The following WDR19 variants were observed in gnomAD, a reference collection of about 807,000 sequenced individuals.
The protein encoded by WDR19 is WD repeat-containing protein 19.
In WDR19, 121 loss-of-function variants were observed where a neutral mutation model predicts 180.0. The ratio of observed to expected loss-of-function variants is 0.67; its 90% confidence interval spans 0.58 to 0.78. WDR19 has a LOEUF of 0.78. Ranked by LOEUF, WDR19 falls within the 30% of genes least tolerant of loss-of-function variation. The pLI, the probability that WDR19 is intolerant of heterozygous loss-of-function variation, is 0.00. For synonymous variants in WDR19, 497 were observed against 540.7 expected (o/e 0.92, Z 1.12); for missense variants, 1,450 against 1,640.7 (o/e 0.88, Z 2.01).
chr4:39,194,835 C>T lies in WDR19; in HGVS notation c.406+176C>T, dbSNP rs1726555853. On this transcript the variant is annotated intron_variant, in intron 5 of 36. Coordinates refer to ENST00000399820, the MANE Select transcript of WDR19 (RefSeq NM_025132.4). ...CATGAAGATCCCTGTTCACTGCTTA[C>T]TAAGAACTTGCCAGGGTACATAGAA... The T allele has an allele frequency of 1.1e-5, 6 of 569,772 alleles. No homozygotes were observed. The East Asian group carries it at 1.7e-4, about 16-fold the overall frequency. 35.3% of individuals were successfully genotyped at this position (569,772 alleles called of 1,614,324 possible).
intron 28 of WDR19, among the ~76,000 whole-genome samples, chr4:39,259,596 G>A (rs1734090887): frequency 1.3e-5 from 2 of 152,194 alleles, no homozygotes; most frequent in South Asian, 4.1e-4. Context: ...CCTTCTTATG[G>A]CTGAATAATA....
chr4:39,280,474 C>A (rs2109533266), intron 36 of WDR19, among the ~76,000 whole-genome samples: 1 of 152,138 alleles, frequency 6.6e-6, no homozygotes, highest in East Asian at 1.9e-4. Context: ...GCCTGGGCAA[C>A]ATAGTAAGAC....
chr4:39,259,814 G>A (rs1279429790), intron 28 of WDR19, among the ~76,000 whole-genome samples: 1 of 152,184 alleles, frequency 6.6e-6, no homozygotes, highest in Non-Finnish European at 1.5e-5. Context: ...ACTGTTTCCT[G>A]AAGCAGCTGA....
intron 9 of WDR19, among the ~76,000 whole-genome samples, chr4:39,211,556 T>A (rs1379404443): frequency 1.3e-5 from 2 of 152,106 alleles, no homozygotes; most frequent in African/African-American, 4.8e-5. Context: ...AATAAATGAG[T>A]TGAGCAAGAT....
intron 2 of WDR19, 96 bp downstream of exon 2, chr4:39,185,913 T>TTAAA: frequency 9.2e-7 from 1 of 1,088,740 alleles, no homozygotes; most frequent in Non-Finnish European, 1.3e-6. Context: ...TTTTTTTTTT[T>TTAAA]TAAATGGAGT....
chr4:39,228,746 G>A (rs1207181895), intron 17 of WDR19, 56 bp downstream of exon 17: 6 of 1,449,158 alleles, frequency 4.1e-6, no homozygotes, highest in East Asian at 2.3e-5. Flanking sequence ...GATTTTAAAG[G>A]TCAAATCCTA....
At chr4:39,281,236 T>TATATATATATATATAGAGAGAG (rs762298152) in intron 36 of WDR19, among the ~76,000 whole-genome samples, 1 of 104,040 alleles carries the variant, frequency 9.6e-6, no homozygotes, top group South Asian at 3.1e-4. Context: ...TATATATATA[T>TATATATATATATATAGAGAGAG]AGAGAGAGAG....
chr4:39,266,861 A>G (rs535392944), intron 29 of WDR19, among the ~76,000 whole-genome samples: 56 of 152,346 alleles, frequency 3.7e-4, no homozygotes, highest in African/African-American at 1.3e-3. Flanking sequence ...AGGCGGGTGG[A>G]TCACTTGAGG....
intron 24 of WDR19, among the ~76,000 whole-genome samples, chr4:39,250,443 T>G (rs10011831): frequency 0.97 from 148,066 of 152,202 alleles, 72,138 homozygotes; most frequent in Middle Eastern, 1. Context: ...TTGAAAACCG[T>G]CAAAAGACAG....
At chr4:39,284,667 A>T (rs28606372) in intron 36 of WDR19, among the ~76,000 whole-genome samples, 75,609 of 148,962 alleles carry the variant, frequency 0.51, 20,834 homozygotes, top group African/African-American at 0.73. Flanking sequence ...AAAAAAAAAA[A>T]TTCAGATTTT....
chr4:39,225,795 C>CTTCCT (rs1158944273), intron 15 of WDR19, among the ~76,000 whole-genome samples: 2 of 152,014 alleles, frequency 1.3e-5, no homozygotes, highest in Admixed American at 6.6e-5. Flanking sequence ...CCCGCCCCTT[C>CTTCCT]TTCCTTTCCT....
intron 26 of WDR19, 89 bp from the exon 27 acceptor site, chr4:39,255,759 T>A: frequency 1.7e-6 from 1 of 595,504 alleles, no homozygotes; most frequent in Non-Finnish European, 2.8e-6. Context: ...GAGTTTTTAA[T>A]CACCTATTTT....
At chr4:39,244,635 G>A in intron 23 of WDR19, 83 bp downstream of exon 23, 1 of 1,453,578 alleles carries the variant, frequency 6.9e-7, no homozygotes, top group African/African-American at 1.4e-5. Flanking sequence ...TCCTTGCCAT[G>A]CTTTCTCTCT....
At chr4:39,185,859 ATGTAATCACAC>A (rs1284014424) in intron 2 of WDR19, 42 bp downstream of exon 2, 1 of 1,458,124 alleles carries the variant, frequency 6.9e-7, no homozygotes, top group African/African-American at 1.4e-5. Context: ...TTGCATGCCC[ATGTAATCACAC>A]CATCTACTCA....
intron 14 of WDR19, among the ~76,000 whole-genome samples, chr4:39,221,592 C>A (rs1454560432): frequency 1.3e-5 from 2 of 152,218 alleles, no homozygotes; most frequent in Non-Finnish European, 1.5e-5. Flanking sequence ...AGGCTGATTG[C>A]CTGAGCTCAG....
intron 6 of WDR19, among the ~76,000 whole-genome samples, chr4:39,201,453 A>G (rs1198985878): frequency 6.6e-6 from 1 of 152,190 alleles, no homozygotes; most frequent in Admixed American, 6.5e-5. Context: ...AACTTATTTT[A>G]GTAGATAGTG....
chr4:39,260,430 T>C (rs768439973), intron 28 of WDR19, among the ~76,000 whole-genome samples: 3 of 151,030 alleles, frequency 2.0e-5, no homozygotes, highest in Non-Finnish European at 4.4e-5. Flanking sequence ...CTCTGCCTCC[T>C]GGGTTCAAGT....
chr4:39,221,346 G>A (rs1287851346), intron 14 of WDR19, among the ~76,000 whole-genome samples: 1 of 152,186 alleles, frequency 6.6e-6, no homozygotes, highest in Non-Finnish European at 1.5e-5. Context: ...AAGATTTCCT[G>A]ATGGAAAATC....
chr4:39,278,573 T>C lies in WDR19; in HGVS notation c.3952T>C (p.Ser1318Pro). 6.2e-7 allele frequency: 1 copy of C among 1,613,716 alleles called. No homozygotes were observed. Residue 1318 changes from serine to proline, a missense_variant, in exon 36 of 37, where the codon TCA becomes CCA. Physicochemically the swap from Ser to Pro is moderately conservative, Grantham distance 74 (BLOSUM62 -1). Coordinates refer to ENST00000399820, the MANE Select transcript of WDR19 (RefSeq NM_025132.4). ...CACTGAAAGCACATGTCCTATGTGT[T>C]CAGAAAGATTAAACGCTGCTCAGCT... ...LNTESTCPMC[S>P]ERLNAAQLKK...
Sources: gnomAD v4.1 joint callset for allele counts (sites outside exome capture counted in the v4.1 genomes callset) on GRCh38, gnomAD v4.1.1 for gene constraint, MANE v1.5 for transcripts, NCBI Gene and HGNC (gene_info 2026-07-23, HGNC 2026-07-21) for gene names.